The following SVIL variants were observed in gnomAD, a reference collection of about 807,000 sequenced individuals.
SVIL encodes the protein supervillin, also known as archvillin.
A neutral mutation model predicts 240.4 loss-of-function variants in SVIL; 101 were observed. The observed-to-expected ratio is 0.42, with a 90% CI of 0.36 to 0.50. The LOEUF is 0.50. SVIL is among the 20% of genes least tolerant of loss of function. The pLI is 0.01. For synonymous variants in SVIL, 999 were observed against 1,100.0 expected, an observed-to-expected ratio of 0.91 and a Z score of 1.82; for missense variants, 2,512 against 2,818.7, an observed-to-expected ratio of 0.89 and a Z score of 2.46.
At chr10:29,701,657 TGTAGG>T (rs1250816925) in intron 1 of SVIL, among the ~76,000 whole-genome samples, 1 of 152,222 alleles carries the variant, frequency 6.6e-6, no homozygotes, top group East Asian at 1.9e-4. Flanking sequence ...TCTTCATTTG[TGTAGG>T]AAATCATTCA....
chr10:29,661,667 G>T (rs1047351623), intron 2 of SVIL, among the ~76,000 whole-genome samples: 1 of 152,184 alleles, frequency 6.6e-6, no homozygotes, highest in Non-Finnish European at 1.5e-5. Context: ...TAGACCAATT[G>T]CATCTGGAAG....
chr10:29,660,201 C>CAACAGGCTGAGGAAGA (rs749456537), intron 2 of SVIL, among the ~76,000 whole-genome samples: 287 of 152,160 alleles, frequency 1.9e-3, no homozygotes, highest in Middle Eastern at 3.4e-3. Context: ...CCCAGCTACC[C>CAACAGGCTGAGGAAGA]AACAGGCTGA....
intron 1 of SVIL, among the ~76,000 whole-genome samples, chr10:29,574,977 G>A (rs1426473277): frequency 6.6e-6 from 1 of 152,184 alleles, no homozygotes; most frequent in East Asian, 1.9e-4. Context: ...TCCCTGGTGG[G>A]GTGTGGGTGT....
chr10:29,504,856 G>A (rs1341999935), intron 17 of SVIL, among the ~76,000 whole-genome samples: 4 of 152,198 alleles, frequency 2.6e-5, no homozygotes, highest in Non-Finnish European at 1.5e-5. Flanking sequence ...ATACTCAAAT[G>A]AGTTGAAAAC....
At chr10:29,675,473 C>T (rs1960129787) in intron 2 of SVIL, among the ~76,000 whole-genome samples, 2 of 152,128 alleles carry the variant, frequency 1.3e-5, no homozygotes, top group Non-Finnish European at 2.9e-5. Flanking sequence ...CACTGCACTG[C>T]AATTGTCTCT....
At chr10:29,599,618 T>C (rs1368615921) in intron 1 of SVIL, among the ~76,000 whole-genome samples, 1 of 152,126 alleles carries the variant, frequency 6.6e-6, no homozygotes, top group Non-Finnish European at 1.5e-5. Flanking sequence ...GGTTTCGCCA[T>C]GTTAGCCAGG....
chr10:29,719,826 G>C (rs1963867063), intron 1 of SVIL, among the ~76,000 whole-genome samples: 1 of 152,156 alleles, frequency 6.6e-6, no homozygotes, highest in Non-Finnish European at 1.5e-5. Context: ...GAGCTGTGGA[G>C]ACAACTTTAA....
chr10:29,488,546 G>A lies in SVIL; in HGVS notation c.4348+55C>T, dbSNP rs543526058. 7.4e-6 allele frequency: 11 copies of A among 1,496,044 alleles called. No homozygotes were observed. In the East Asian group the frequency reaches 2.7e-4, roughly 36 times the overall value. 92.7% of individuals were successfully genotyped at this position (1,496,044 alleles called of 1,614,324 possible). A position where few individuals can be genotyped will look rare whatever the true frequency, so the allele number is the denominator to read the frequency against. The stretch of plus-strand genomic sequence containing the variant: ...AATTACAGAGTCAGGACTCCGTATG[G>A]GACCAGACAGAAACCACGGGCCCTG... On this transcript the variant is annotated intron_variant, in intron 23 of 37. Transcript: ENST00000355867.
In SVIL at chr10:29,486,189, T is replaced by C. The variant is rs770199748; in HGVS notation, c.4675A>G (p.Ile1559Val). The C allele has an allele frequency of 1.9e-6, 3 of 1,614,122 alleles. No individual in the cohort carries two copies. The highest frequency in any genetic ancestry group is 3.3e-5 in the Admixed American group (2 of 60,010). The change falls in exon 26 of 38, where the codon ATA becomes GTA. Residue 1559 changes from isoleucine to valine, a missense_variant. By Grantham distance (29) the Ile-to-Val change is conservative. Transcript: ENST00000355867. ...CGGTAAATGCAGTTAGTTTCTATTA[T>C]GGCTGCTTCATAGAGTTCATCTTCT... ...PKEDELYEAA[I>V]IETNCIYRLM...
chr10:29,473,809 C>T (rs528646725), intron 30 of SVIL, 29 bp downstream of exon 30: 1 of 1,613,466 alleles, frequency 6.2e-7, no homozygotes, highest in South Asian at 1.1e-5. Flanking sequence ...CCTCTCAGTC[C>T]CCGGGGTGCA....
rs1322825992 is a variant in SVIL at position 29,524,335 on chromosome 10, G to C, written c.2586+137C>G. ...TAGAATTCTCATTTTTAGGAAGAAA[G>C]CTATTACCAAATCACCTACAGGTAG... is the stretch of plus-strand genomic sequence containing the variant. On this transcript the variant is annotated intron_variant, in intron 14 of 37. Transcript: ENST00000355867. 7.4e-6 allele frequency: 10 copies of C among 1,355,648 alleles called. No individual in the cohort carries two copies. In the East Asian group the frequency reaches 1.4e-4, roughly 19 times the overall value. The allele number at this position is 1,355,648 out of a possible 1,614,324, so 84.0% of individuals were successfully genotyped here.
intron 1 of SVIL, among the ~76,000 whole-genome samples, chr10:29,727,941 T>C (rs1964391108): frequency 6.6e-6 from 1 of 152,122 alleles, no homozygotes; most frequent in South Asian, 2.1e-4. Context: ...TTACCAACCC[T>C]GAGTAAACCT....
chr10:29,619,707 T>C (rs1390287266), intron 1 of SVIL, among the ~76,000 whole-genome samples: 3 of 152,242 alleles, frequency 2.0e-5, no homozygotes, highest in East Asian at 1.9e-4. Flanking sequence ...TTTCTAATTT[T>C]AAATTTGAGT....
rs971780461 is a variant in SVIL, at chr10:29,734,665, C to A, written c.-400+1086G>T. Among the ~76,000 whole-genome samples, 3 of 152,282 alleles carry A rather than the reference C, an allele frequency of 2.0e-5. No homozygotes were observed. The East Asian group carries it at 5.8e-4, about 29-fold the overall frequency. On this transcript the variant is annotated intron_variant, in intron 1 of 35. Coordinates refer to the SVIL transcript ENST00000375400. ...GGGTGGAGGCAGATAAGACAAGACA[C>A]GAAAACGTGAATTCCATCGATTGAC...
At position 29,530,659 on chromosome 10, in the gene SVIL, T is replaced by G; in HGVS notation, c.2054A>C (p.Lys685Thr). Residue 685 changes from lysine (K) to threonine (T), a missense_variant, in exon 11 of 38, where the codon AAG becomes ACG. By Grantham distance (78) the Lys-to-Thr change is moderately conservative. Coordinates refer to ENST00000355867, the MANE Select transcript of SVIL (RefSeq NM_021738.3). Reference protein sequence around the residue: ...SETPTVDDEEKVDERAKLSVA... With the variant: ...SETPTVDDEETVDERAKLSVA... ...GCTCAGCTTGGCTCGTTCATCCACCTTTTCTTCATCTGCAAAAAGCCACAA... is the reference window on the plus strand; with the variant it reads ...GCTCAGCTTGGCTCGTTCATCCACCGTTTCTTCATCTGCAAAAAGCCACAA... The G allele has an allele frequency of 6.2e-7, 1 of 1,613,990 alleles. No homozygotes were observed. Among genetic ancestry groups the G allele is most frequent in the Non-Finnish European group, 8.5e-7 (1 of 1,179,900 alleles).
At position 29,480,598 on chromosome 10, in the gene SVIL, G is replaced by A. The variant is rs1176428069; in HGVS notation, c.5316C>T (p.Ile1772=). 8 of 1,613,986 alleles carry A rather than the reference G, an allele frequency of 5.0e-6. No individual in the cohort carries two copies. Among genetic ancestry groups the A allele is most frequent in the South Asian group, 2.2e-5 (2 of 91,080 alleles). The change falls in exon 29 of 38, where the codon ATC becomes ATT. Residue 1772 remains isoleucine, a synonymous_variant. Coordinates refer to ENST00000355867, the MANE Select transcript of SVIL (RefSeq NM_021738.3). ...FDYSRLPKQS[I]GQFHEGDAYV... is the part of the protein sequence containing the mutation. ...AGGCATCCCCCTCATGGAACTGCCC[G>A]ATGCTTTGTTTGGGGAGCCTGCTAT...
chr10:29,533,864 T>C (rs1951556308), intron 7 of SVIL, among the ~76,000 whole-genome samples: 1 of 152,154 alleles, frequency 6.6e-6, no homozygotes, highest in Non-Finnish European at 1.5e-5. Context: ...ACACGGACTG[T>C]GGGGGAAGGT....
chr10:29,584,483 G>A (rs1327743517), intron 1 of SVIL, among the ~76,000 whole-genome samples: 1 of 152,212 alleles, frequency 6.6e-6, no homozygotes, highest in Non-Finnish European at 1.5e-5. Context: ...GCTGCCAGGT[G>A]GAGATTGTCG....
chr10:29,482,021 C>CTTTTTTTTTTTTTTTTTTTT (rs35856299), intron 27 of SVIL, among the ~76,000 whole-genome samples: 1 of 113,408 alleles, frequency 8.8e-6, no homozygotes, highest in African/African-American at 3.0e-5. Flanking sequence ...CTTTTCTTTT[C>CTTTTTTTTTTTTTTTTTTTT]TTTTTTTTTT....
Sources: allele counts gnomAD v4.1 joint callset (sites outside exome capture counted in the v4.1 genomes callset), GRCh38; gene constraint gnomAD v4.1.1; transcripts MANE v1.5; gene names NCBI Gene and HGNC (gene_info 2026-07-23, HGNC 2026-07-21).